Variants in ATP8A1 observed in about 807,000 individuals in gnomAD.
ATP8A1 encodes phospholipid-transporting ATPase IA.
ATP8A1 carries 90 observed loss-of-function variants against 177.7 expected under a neutral mutation model. The observed-to-expected ratio is 0.51, with a 90% CI of 0.43 to 0.60. The LOEUF is 0.60. Among genes scored for constraint, ATP8A1 ranks in the 20% least tolerant of loss-of-function variants. The probability of loss-of-function intolerance (pLI) is 0.00; values close to 1 mark genes in which losing one functional copy is unlikely to be tolerated. For synonymous variants in ATP8A1, 493 were observed against 485.9 expected (o/e 1.01, Z -0.19); for missense variants, 1,072 against 1,392.8 (o/e 0.77, Z 3.67).
chr4:42,437,677 T>C (rs1015656837), intron 33 of ATP8A1, among the ~76,000 whole-genome samples: 2 of 152,178 alleles, frequency 1.3e-5, no homozygotes, highest in African/African-American at 4.8e-5. Flanking sequence ...TGTTAATCAT[T>C]ATCATTTGAA....
intron 24 of ATP8A1, among the ~76,000 whole-genome samples, chr4:42,497,497 C>T (rs1723404345): frequency 6.6e-6 from 1 of 152,116 alleles, no homozygotes; most frequent in Non-Finnish European, 1.5e-5. Context: ...TCAGGGAGCT[C>T]TTGGAAGAGT....
At chr4:42,627,682 C>T (rs558396482) in intron 1 of ATP8A1, among the ~76,000 whole-genome samples, 2 of 152,168 alleles carry the variant, frequency 1.3e-5, no homozygotes, top group African/African-American at 4.8e-5. Context: ...ATCTCATAAT[C>T]ATTGAAACAA....
At chr4:42,566,645 T>C (rs531195149) in intron 15 of ATP8A1, among the ~76,000 whole-genome samples, 22 of 152,212 alleles carry the variant, frequency 1.4e-4, no homozygotes, top group Admixed American at 1.0e-3. Context: ...AAATATTAAA[T>C]GAAAAAGAGA....
chr4:42,639,968 C>G (rs1739801710), intron 1 of ATP8A1, among the ~76,000 whole-genome samples: 1 of 152,158 alleles, frequency 6.6e-6, no homozygotes, highest in Non-Finnish European at 1.5e-5. Flanking sequence ...CAACATAGTA[C>G]TTGGTGTGTG....
At chr4:42,572,915 T>C (rs575096318) in intron 14 of ATP8A1, among the ~76,000 whole-genome samples, 2 of 152,302 alleles carry the variant, frequency 1.3e-5, no homozygotes, top group South Asian at 4.1e-4. Flanking sequence ...AGAAATATTA[T>C]TTCCTCAGGA....
At chr4:42,542,636 T>C (rs1578134317) in intron 20 of ATP8A1, among the ~76,000 whole-genome samples, 1 of 152,098 alleles carries the variant, frequency 6.6e-6, no homozygotes, top group Non-Finnish European at 1.5e-5. Flanking sequence ...CCTTCCCGTG[T>C]CCATGTGTTC....
At chr4:42,525,413 T>C (rs1578105255) in intron 20 of ATP8A1, among the ~76,000 whole-genome samples, 1 of 146,714 alleles carries the variant, frequency 6.8e-6, no homozygotes, top group Admixed American at 6.9e-5. Context: ...CAAACTTTAA[T>C]ACAGGACTAA....
intron 5 of ATP8A1, among the ~76,000 whole-genome samples, chr4:42,615,798 A>G (rs922996417): frequency 2.6e-5 from 4 of 152,358 alleles, no homozygotes; most frequent in Non-Finnish European, 4.4e-5. Flanking sequence ...GACTATTGCT[A>G]TGAAGCACTT....
intron 33 of ATP8A1, among the ~76,000 whole-genome samples, chr4:42,442,907 C>T (rs1451466305): frequency 6.6e-6 from 1 of 152,146 alleles, no homozygotes; most frequent in Non-Finnish European, 1.5e-5. Flanking sequence ...TGTCAAATTT[C>T]CTGCAATTGA....
In ATP8A1 at chr4:42,654,664, A is replaced by G. The variant is rs530458878; in HGVS notation, c.49+2161T>C. Reference sequence around the variant, plus strand: ...TCTGCTCCCTTCTGCTTTTACTCTAAATCTCTAACTTTAATGTTTTCAAGA... The same window carrying G: ...TCTGCTCCCTTCTGCTTTTACTCTAGATCTCTAACTTTAATGTTTTCAAGA... On this transcript the variant is annotated intron_variant, in intron 1 of 36. Transcript: ENST00000381668. Among the ~76,000 whole-genome samples, 6 of 152,250 alleles carry G rather than the reference A, an allele frequency of 3.9e-5. No homozygotes were observed. In the South Asian group the frequency reaches 1.2e-3, roughly 32 times the overall value.
At chr4:42,587,406 C>T (rs979533794) in intron 8 of ATP8A1, among the ~76,000 whole-genome samples, 2 of 150,688 alleles carry the variant, frequency 1.3e-5, no homozygotes, top group Non-Finnish European at 3.0e-5. Context: ...CTCTCGGGTT[C>T]AAGCGATTCT....
intron 8 of ATP8A1, 76 bp from the exon 9 acceptor site, chr4:42,586,552 C>T: frequency 7.9e-6 from 11 of 1,389,040 alleles, no homozygotes; most frequent in East Asian, 4.7e-5. Context: ...ATTTTGAATT[C>T]ATCCAAGTCT....
intron 4 of ATP8A1, among the ~76,000 whole-genome samples, chr4:42,624,272 TCTC>T (rs1342541886): frequency 6.6e-6 from 1 of 152,072 alleles, no homozygotes; most frequent in Non-Finnish European, 1.5e-5. Context: ...AATGTACTTT[TCTC>T]CTCAAGCCAA....
chr4:42,539,764 C>A (rs1728201185), intron 20 of ATP8A1, among the ~76,000 whole-genome samples: 1 of 152,118 alleles, frequency 6.6e-6, no homozygotes, highest in Middle Eastern at 3.4e-3. Context: ...TGAAACTGAA[C>A]CCTTATCTCT....
intron 5 of ATP8A1, among the ~76,000 whole-genome samples, chr4:42,601,239 T>C (rs906096467): frequency 9.2e-5 from 14 of 151,994 alleles, no homozygotes; most frequent in Non-Finnish European, 1.9e-4. Context: ...TTTCATCATG[T>C]TGGCCAGGCT....
intron 1 of ATP8A1, among the ~76,000 whole-genome samples, chr4:42,642,941 A>G (rs1008549902): frequency 2.0e-5 from 3 of 152,224 alleles, no homozygotes; most frequent in Non-Finnish European, 4.4e-5. Context: ...ATCTTATCCC[A>G]GTCACTCACC....
At chr4:42,627,488 A>T (rs10938200) in intron 1 of ATP8A1, among the ~76,000 whole-genome samples, 34,363 of 152,222 alleles carry the variant, frequency 0.23, 4,372 homozygotes, top group Non-Finnish European at 0.29. Context: ...GTCAAAAATT[A>T]AAGCATATGC....
rs16854523 is a variant in ATP8A1, at chr4:42,581,006, A to G, written c.834+615T>C. ...TTTAATGCAGATCACTTATCATGACATGGACGACTTGTAATAATCACTATA... is the reference window on the plus strand; with the variant it reads ...TTTAATGCAGATCACTTATCATGACGTGGACGACTTGTAATAATCACTATA... On this transcript the variant is annotated intron_variant, in intron 10 of 36. Transcript: ENST00000381668. Among the ~76,000 whole-genome samples the G allele has an allele frequency of 9.5e-3, 1,454 of 152,368 alleles. 21 individuals are homozygous for G. The highest frequency in any genetic ancestry group is 0.033 in the African/African-American group (1,363 of 41,588).
At chr4:42,635,780 C>CAAATATAT (rs1317800276) in intron 1 of ATP8A1, among the ~76,000 whole-genome samples, 1 of 43,466 alleles carries the variant, frequency 2.3e-5, no homozygotes, top group East Asian at 3.9e-4. Context: ...CACACACACA[C>CAAATATAT]ACATATATAT....
Sources: gnomAD v4.1 joint callset for allele counts (sites outside exome capture counted in the v4.1 genomes callset) on GRCh38, gnomAD v4.1.1 for gene constraint, MANE v1.5 for transcripts, NCBI Gene and HGNC (gene_info 2026-07-23, HGNC 2026-07-21) for gene names.